ZFAT: variants seen among roughly 807,000 people sequenced by gnomAD.
ZFAT encodes the protein zinc finger and AT-hook domain containing, also known as zinc finger protein ZFAT.
A neutral mutation model predicts 117.7 loss-of-function variants in ZFAT; 64 were observed. The observed-to-expected ratio is 0.54, with a 90% confidence interval of 0.44 to 0.67. The LOEUF is 0.67. Ranked by LOEUF, ZFAT falls within the 30% of genes least tolerant of loss-of-function variation. The pLI is 0.00. For synonymous variants in ZFAT, 679 were observed against 615.0 expected, an observed-to-expected ratio of 1.10 and a Z score of -1.54; for missense variants, 1,433 against 1,584.5, an observed-to-expected ratio of 0.90 and a Z score of 1.62.
the ZFAT span, among the ~76,000 whole-genome samples, chr8:134,727,619 AT>A: frequency 1.0e-3 from 154 of 152,316 alleles, no homozygotes; most frequent in African/African-American, 3.5e-3. Flanking sequence ...TGACTTCAAA[AT>A]GAATAGGGCT....
intron 11 of ZFAT, among the ~76,000 whole-genome samples, chr8:134,540,237 G>A (rs547929133): frequency 2.0e-5 from 3 of 152,352 alleles, no homozygotes; most frequent in South Asian, 2.1e-4. Context: ...AGAAGGACAA[G>A]AGAGGACAGA....
chr8:134,656,676 C>G (rs1004376333), intron 2 of ZFAT, among the ~76,000 whole-genome samples: 1 of 152,174 alleles, frequency 6.6e-6, no homozygotes, highest in African/African-American at 2.4e-5. Context: ...TGAATATTCC[C>G]AGGAAAGAGC....
intron 1 of ZFAT, among the ~76,000 whole-genome samples, chr8:134,677,242 T>TA (rs1832850152): frequency 1.3e-5 from 2 of 151,882 alleles, no homozygotes; most frequent in East Asian, 1.9e-4. Context: ...ATAGACGCAA[T>TA]AAAAAATGAT....
chr8:134,571,351 G>A (rs551810057), intron 10 of ZFAT, among the ~76,000 whole-genome samples: 6 of 152,324 alleles, frequency 3.9e-5, no homozygotes, highest in African/African-American at 9.6e-5. Context: ...TGAGGAAGAG[G>A]TGAACACAGC....
At chr8:134,793,805 C>T in the ZFAT span, 2 of 152,112 alleles carry the variant, frequency 1.3e-5, no homozygotes, top group South Asian at 4.1e-4. Flanking sequence ...ATTTAAGAGA[C>T]AGGTGGCCCC....
At chr8:134,490,343 A>T (rs1817958751) in intron 15 of ZFAT, among the ~76,000 whole-genome samples, 1 of 152,188 alleles carries the variant, frequency 6.6e-6, no homozygotes, top group Admixed American at 6.5e-5. Context: ...AATCTCTTCC[A>T]ACTGTCGTCA....
At chr8:134,677,268 A>G (rs2131285775) in intron 1 of ZFAT, among the ~76,000 whole-genome samples, 1 of 152,348 alleles carries the variant, frequency 6.6e-6, no homozygotes, top group Non-Finnish European at 1.5e-5. Flanking sequence ...GGCCATCACT[A>G]CCAATCCCAC....
In ZFAT at chr8:134,600,495, C is replaced by T. The variant is rs1332303322; in HGVS notation, c.2416G>A (p.Asp806Asn). Residue 806 changes from aspartate (D) to asparagine (N), a missense_variant, in exon 7 of 16, where the codon GAC (aspartate) becomes AAC (asparagine). Asp to Asn is a conservative substitution (Grantham distance 23). Coordinates refer to ENST00000377838, the MANE Select transcript of ZFAT (RefSeq NM_020863.4). ...TTATATTTATCTGGAGTTGAGTAGT[C>T]ACAGCCATCGGTGGGACACTTCAGC... ...ILLKCPTDGC[D>N]YSTPDKYKLQ... 4 of 1,614,072 alleles carry T rather than the reference C, an allele frequency of 2.5e-6. No homozygotes were observed. The African/African-American group carries it at 5.3e-5, about 22-fold the overall frequency.
chr8:134,551,500 C>T (rs1309077157), intron 11 of ZFAT, among the ~76,000 whole-genome samples: 2 of 152,186 alleles, frequency 1.3e-5, no homozygotes, highest in African/African-American at 2.4e-5. Context: ...AAGATGAAAA[C>T]GTCTTCTAGG....
intron 2 of ZFAT, among the ~76,000 whole-genome samples, chr8:134,643,123 C>T (rs566320063): frequency 6.6e-6 from 1 of 152,344 alleles, no homozygotes; most frequent in South Asian, 2.1e-4. Context: ...TGCACGTCCT[C>T]ATTTAATCCC....
At chr8:134,507,939 T>C (rs1819534304) in intron 15 of ZFAT, among the ~76,000 whole-genome samples, 1 of 152,144 alleles carries the variant, frequency 6.6e-6, no homozygotes, top group African/African-American at 2.4e-5. Flanking sequence ...TTTCAGAAGA[T>C]ATTTATAAGA....
the ZFAT span, chr8:134,784,654 CCT>C: frequency 6.6e-6 from 1 of 151,700 alleles, no homozygotes; most frequent in Non-Finnish European, 1.5e-5. Context: ...AAAGAAAGGA[CCT>C]TTTTAGTCTA....
At chr8:134,657,004 T>C (rs909898772) in intron 2 of ZFAT, among the ~76,000 whole-genome samples, 14 of 152,224 alleles carry the variant, frequency 9.2e-5, no homozygotes, top group African/African-American at 2.9e-4. Context: ...AGCTTTGCAA[T>C]GTGAATCCTT....
At chr8:134,749,495 G>T in the ZFAT span, among the ~76,000 whole-genome samples, 2 of 152,072 alleles carry the variant, frequency 1.3e-5, no homozygotes, top group Non-Finnish European at 2.9e-5. Flanking sequence ...ATTTATAAGG[G>T]CATTAATACC....
chr8:134,509,921 T>C (rs1023277370), intron 14 of ZFAT, 172 bp from the exon 15 acceptor site: 2 of 777,638 alleles, frequency 2.6e-6, no homozygotes, highest in African/African-American at 1.7e-5. Flanking sequence ...CTTTATAGCT[T>C]ACAAAGCATT....
the ZFAT span, among the ~76,000 whole-genome samples, chr8:134,732,928 T>C: frequency 1.8e-3 from 278 of 152,238 alleles, 1 homozygote; most frequent in African/African-American, 6.3e-3. Context: ...TACAGGAGAT[T>C]CCTCACAAAG....
At chr8:134,787,726 T>C in the ZFAT span, among the ~76,000 whole-genome samples, 4 of 152,170 alleles carry the variant, frequency 2.6e-5, no homozygotes, top group Non-Finnish European at 4.4e-5. Flanking sequence ...TTTGATAATA[T>C]CATATATTGA....
At chr8:134,718,931 T>A in the ZFAT span, among the ~76,000 whole-genome samples, 1 of 152,182 alleles carries the variant, frequency 6.6e-6, no homozygotes, top group Admixed American at 6.5e-5. Context: ...TTTGAAAGAA[T>A]GAGAGTGCCA....
the ZFAT span, among the ~76,000 whole-genome samples, chr8:134,829,116 T>TA: frequency 6.6e-6 from 1 of 152,248 alleles, no homozygotes; most frequent in East Asian, 1.9e-4. Flanking sequence ...AACCTGATCA[T>TA]AAAGTTTTAC....
Sources: gnomAD v4.1 joint callset for allele counts (sites outside exome capture counted in the v4.1 genomes callset) on GRCh38, gnomAD v4.1.1 for gene constraint, MANE v1.5 for transcripts, NCBI Gene and HGNC (gene_info 2026-07-23, HGNC 2026-07-21) for gene names.